Variants in KCNN2 observed in about 807,000 individuals in gnomAD.
The protein encoded by KCNN2 is potassium calcium-activated channel subfamily N member 2.
Under a neutral mutation model 55.5 loss-of-function variants are expected in KCNN2, and 24 were observed. That is an observed-to-expected ratio of 0.43 (90% CI 0.31 to 0.61). The LOEUF (loss-of-function observed/expected upper bound fraction) is 0.61, where lower values mean the gene tolerates loss of function less well. KCNN2 is among the 20% of genes least tolerant of loss of function. The pLI is 0.08. For missense variants in KCNN2, 754 were observed against 853.6 expected (o/e 0.88, Z 1.45); for synonymous variants, 431 against 336.1 (o/e 1.28, Z -3.09).
intron 3 of KCNN2, among the ~76,000 whole-genome samples, chr5:114,414,130 C>G (rs1377194915): frequency 1.3e-5 from 2 of 151,768 alleles, no homozygotes; most frequent in East Asian, 3.9e-4. Context: ...TAATTTTATA[C>G]TCTTTATTTT....
intron 2 of KCNN2, among the ~76,000 whole-genome samples, chr5:114,332,996 G>A (rs776621568): frequency 5.3e-5 from 8 of 152,074 alleles, no homozygotes; most frequent in Admixed American, 2.0e-4. Flanking sequence ...ACCTGGTCTC[G>A]CCTCACAATA....
chr5:114,299,880 A>G (rs1315426488), intron 2 of KCNN2, among the ~76,000 whole-genome samples: 1 of 151,982 alleles, frequency 6.6e-6, no homozygotes, highest in Non-Finnish European at 1.5e-5. Context: ...ACCCTCAGTC[A>G]TTACTCCCTA....
intron 1 of KCNN2, among the ~76,000 whole-genome samples, chr5:114,171,018 C>T (rs568993263): frequency 2.0e-5 from 3 of 152,048 alleles, no homozygotes; most frequent in Admixed American, 6.6e-5. Context: ...TATTTGTTAG[C>T]CAGCTTTAAC....
intron 5 of KCNN2, among the ~76,000 whole-genome samples, chr5:114,479,903 G>C (rs1467281880): frequency 1.3e-5 from 2 of 152,092 alleles, no homozygotes; most frequent in Non-Finnish European, 2.9e-5. Flanking sequence ...GAAATTTATA[G>C]CACTAAATCC....
chr5:114,409,819 C>A (rs1759072846), intron 3 of KCNN2, among the ~76,000 whole-genome samples: 1 of 152,138 alleles, frequency 6.6e-6, no homozygotes. Context: ...ATTATTTTCC[C>A]TGGCATATCA....
rs149309237 is a variant in KCNN2, at chr5:114,166,020, T to C, written c.-270-55460T>C. On this transcript the variant is annotated intron_variant, in intron 1 of 10. Coordinates refer to the KCNN2 transcript ENST00000512097. Reference sequence around the variant, plus strand: ...ATGTCTTACCATCTATAAATCCTCATTTTAAAAACATTTCTTCTTATGAAA... The same window carrying C: ...ATGTCTTACCATCTATAAATCCTCACTTTAAAAACATTTCTTCTTATGAAA... Among the ~76,000 whole-genome samples the C allele has an allele frequency of 7.7e-3, 1,165 of 152,242 alleles. 10 individuals carry two copies. The highest frequency in any genetic ancestry group is 0.013 in the Non-Finnish European group (866 of 68,006).
intron 1 of KCNN2, among the ~76,000 whole-genome samples, chr5:114,169,701 GA>G (rs1412204873): frequency 6.6e-6 from 1 of 152,068 alleles, no homozygotes; most frequent in African/African-American, 2.4e-5. Context: ...CTTTTGGTGA[GA>G]AGTGAGGTAG....
chr5:114,366,907 T>A (rs1757618284), intron 2 of KCNN2, among the ~76,000 whole-genome samples: 1 of 152,268 alleles, frequency 6.6e-6, no homozygotes, highest in African/African-American at 2.4e-5. Flanking sequence ...AAGGACAGTT[T>A]AGCTTTTTCT....
At chr5:114,422,145 T>G (rs1301520452) in intron 3 of KCNN2, among the ~76,000 whole-genome samples, 1 of 152,226 alleles carries the variant, frequency 6.6e-6, no homozygotes, top group African/African-American at 2.4e-5. Context: ...AGCGAACTTG[T>G]GCTGCTACAG....
chr5:114,091,173 A>G (rs1580503439), intron 1 of KCNN2, among the ~76,000 whole-genome samples: 1 of 152,140 alleles, frequency 6.6e-6, no homozygotes, highest in Non-Finnish European at 1.5e-5. Context: ...GCTGTTAATC[A>G]CAGTCTCCTG....
At chr5:114,102,868 C>T (rs1235470329) in intron 1 of KCNN2, among the ~76,000 whole-genome samples, 2 of 152,096 alleles carry the variant, frequency 1.3e-5, no homozygotes, top group African/African-American at 2.4e-5. Flanking sequence ...AGTCAGGTAG[C>T]GTGATGCCTC....
At chr5:114,163,940 A>G (rs932545228) in intron 1 of KCNN2, among the ~76,000 whole-genome samples, 1 of 151,916 alleles carries the variant, frequency 6.6e-6, no homozygotes, top group Admixed American at 6.6e-5. Flanking sequence ...TTTTTTAAGT[A>G]TGCTTTATAT....
intron 1 of KCNN2, chr5:114,057,110 T>C (rs1435662063): frequency 6.6e-6 from 1 of 152,222 alleles, no homozygotes; most frequent in Non-Finnish European, 1.5e-5. Context: ...GGTGTGGGAA[T>C]GCGCATCTGC....
intron 1 of KCNN2, among the ~76,000 whole-genome samples, chr5:114,133,429 C>T (rs545594758): frequency 6.6e-6 from 1 of 152,212 alleles, no homozygotes; most frequent in African/African-American, 2.4e-5. Context: ...AGTATAATTG[C>T]TGATGTTCCT....
At chr5:114,465,858 A>G (rs138752665) in intron 4 of KCNN2, among the ~76,000 whole-genome samples, 1 of 152,316 alleles carries the variant, frequency 6.6e-6, no homozygotes, top group East Asian at 1.9e-4. Context: ...ATATTTGAGT[A>G]ACATATTTGA....
intron 1 of KCNN2, among the ~76,000 whole-genome samples, chr5:114,201,381 C>A (rs1028139835): frequency 6.6e-6 from 1 of 151,976 alleles, no homozygotes; most frequent in African/African-American, 2.4e-5. Context: ...GGGGCATAGC[C>A]CAGTGTTAAG....
At chr5:114,340,308 C>G (rs1976311) in intron 2 of KCNN2, among the ~76,000 whole-genome samples, 2,289 of 152,194 alleles carry the variant, frequency 0.015, 25 homozygotes, top group Non-Finnish European at 0.022. Flanking sequence ...CACTTGACAA[C>G]CAAATTACAA....
intron 2 of KCNN2, among the ~76,000 whole-genome samples, chr5:114,306,068 G>C (rs934169961): frequency 1.3e-5 from 2 of 152,186 alleles, no homozygotes; most frequent in African/African-American, 4.8e-5. Flanking sequence ...TCTATAGATT[G>C]CATTATGACA....
intron 1 of KCNN2, among the ~76,000 whole-genome samples, chr5:114,167,255 C>T (rs544954364): frequency 1.0e-3 from 154 of 152,128 alleles, no homozygotes; most frequent in Non-Finnish European, 1.9e-3. Flanking sequence ...GTGCCATATT[C>T]GTATTCTGAC....
Sources: allele counts gnomAD v4.1 joint callset (sites outside exome capture counted in the v4.1 genomes callset), GRCh38; gene constraint gnomAD v4.1.1; transcripts MANE v1.5; gene names NCBI Gene and HGNC (gene_info 2026-07-23, HGNC 2026-07-21).